Variants in ZNF385D observed in about 807,000 individuals in gnomAD.
ZNF385D encodes zinc finger protein 385D, also known as zinc finger protein 659.
ZNF385D carries 15 observed loss-of-function variants against 35.8 expected under a neutral mutation model. The observed-to-expected ratio is 0.42, with a 90% CI of 0.28 to 0.64. The LOEUF (loss-of-function observed/expected upper bound fraction) is 0.64. ZNF385D is among the 30% of genes least tolerant of loss of function. The pLI is 0.23. For synonymous variants in ZNF385D, 212 were observed against 186.8 expected (o/e 1.13, Z -1.10); for missense variants, 474 against 494.6 (o/e 0.96, Z 0.39).
At chr3:22,046,886 T>C (rs1464148719) in intron 3 of ZNF385D, among the ~76,000 whole-genome samples, 1 of 152,224 alleles carries the variant, frequency 6.6e-6, no homozygotes, top group East Asian at 1.9e-4. Flanking sequence ...CAAAGGAAAA[T>C]ATGAAATCAG....
At chr3:21,899,012 TA>T (rs772495689) in intron 3 of ZNF385D, among the ~76,000 whole-genome samples, 1 of 152,108 alleles carries the variant, frequency 6.6e-6, no homozygotes, top group Non-Finnish European at 1.5e-5. Context: ...ATATTCACAT[TA>T]GGGCAAAGTT....
chr3:21,468,869 C>A (rs1703699790), intron 4 of ZNF385D, among the ~76,000 whole-genome samples: 1 of 151,970 alleles, frequency 6.6e-6, no homozygotes. Flanking sequence ...ACAGAGATTG[C>A]AGTGAACCGA....
chr3:22,215,266 A>G (rs1217448250), intron 2 of ZNF385D, among the ~76,000 whole-genome samples: 2 of 152,082 alleles, frequency 1.3e-5, no homozygotes, highest in Non-Finnish European at 2.9e-5. Context: ...GATAACAGCA[A>G]TGTTCAAGGA....
At chr3:22,033,803 A>G (rs949836792) in intron 3 of ZNF385D, among the ~76,000 whole-genome samples, 2 of 152,200 alleles carry the variant, frequency 1.3e-5, no homozygotes, top group African/African-American at 2.4e-5. Context: ...ACACTGGATT[A>G]TCTTTACTGT....
chr3:21,661,900 T>C (rs1473869117), intron 2 of ZNF385D, among the ~76,000 whole-genome samples: 1 of 152,204 alleles, frequency 6.6e-6, no homozygotes, highest in African/African-American at 2.4e-5. Flanking sequence ...TTTATGCTCT[T>C]GTGGAAGACA....
At chr3:22,084,518 G>C (rs1246383490) in intron 3 of ZNF385D, among the ~76,000 whole-genome samples, 1 of 152,170 alleles carries the variant, frequency 6.6e-6, no homozygotes, top group Non-Finnish European at 1.5e-5. Flanking sequence ...AATTCAACAA[G>C]AAGAGCTAAC....
At chr3:21,821,052 G>A (rs2125734309) in intron 3 of ZNF385D, among the ~76,000 whole-genome samples, 1 of 151,892 alleles carries the variant, frequency 6.6e-6, no homozygotes, top group African/African-American at 2.4e-5. Flanking sequence ...ATATCCAACA[G>A]GTAAAAATAT....
intron 3 of ZNF385D, among the ~76,000 whole-genome samples, chr3:22,166,753 A>G (rs1706357221): frequency 6.6e-6 from 1 of 152,210 alleles, no homozygotes; most frequent in Admixed American, 6.5e-5. Flanking sequence ...ACTAACTCTG[A>G]TTTGGGTTTC....
chr3:21,925,511 C>T (rs1178411965), intron 3 of ZNF385D, among the ~76,000 whole-genome samples: 1 of 152,126 alleles, frequency 6.6e-6, no homozygotes. Flanking sequence ...CAAAATTACA[C>T]AACTTTTATA....
chr3:22,237,839 TCACC>T (rs1576544616), intron 2 of ZNF385D, among the ~76,000 whole-genome samples: 5 of 151,326 alleles, frequency 3.3e-5, no homozygotes, highest in South Asian at 2.1e-4. Context: ...AGGTGGGGTT[TCACC>T]ACATTCGCCA....
At chr3:21,840,383 G>T (rs1695589190) in intron 3 of ZNF385D, among the ~76,000 whole-genome samples, 1 of 152,072 alleles carries the variant, frequency 6.6e-6, no homozygotes, top group Non-Finnish European at 1.5e-5. Context: ...AGAGGGCTTT[G>T]TAAGGGATAT....
At chr3:21,969,348 G>A (rs931813686) in intron 3 of ZNF385D, among the ~76,000 whole-genome samples, 2 of 152,098 alleles carry the variant, frequency 1.3e-5, no homozygotes, top group Non-Finnish European at 2.9e-5. Context: ...CTGTGCTCAT[G>A]GTAGGGAGTT....
intron 4 of ZNF385D, among the ~76,000 whole-genome samples, chr3:21,447,809 T>G (rs937918855): frequency 5.9e-5 from 9 of 152,136 alleles, no homozygotes; most frequent in African/African-American, 2.2e-4. Context: ...ACACAAATAC[T>G]CACTCTAGAA....
intron 1 of ZNF385D, among the ~76,000 whole-genome samples, chr3:21,714,884 T>C (rs995342140): frequency 2.0e-5 from 3 of 152,176 alleles, no homozygotes; most frequent in Non-Finnish European, 2.9e-5. Flanking sequence ...CACATGCATA[T>C]TAAAATGGTT....
intron 3 of ZNF385D, among the ~76,000 whole-genome samples, chr3:21,928,696 A>C (rs1700865981): frequency 6.6e-6 from 1 of 152,206 alleles, no homozygotes; most frequent in Non-Finnish European, 1.5e-5. Flanking sequence ...TAAAATAAAG[A>C]AACGTTATAA....
intron 3 of ZNF385D, among the ~76,000 whole-genome samples, chr3:21,820,980 TA>T (rs2073370338): frequency 6.6e-6 from 1 of 151,896 alleles, no homozygotes; most frequent in South Asian, 2.1e-4. Context: ...CAAAACCGAT[TA>T]AAAAAATTAA....
chr3:21,485,850 G>C (rs952320560), intron 4 of ZNF385D, among the ~76,000 whole-genome samples: 1 of 151,868 alleles, frequency 6.6e-6, no homozygotes, highest in African/African-American at 2.4e-5. Flanking sequence ...CCTAATGTCT[G>C]AGTCCAAATC....
chr3:21,576,685 T>A (rs961195664), intron 2 of ZNF385D, among the ~76,000 whole-genome samples: 13 of 152,158 alleles, frequency 8.5e-5, no homozygotes, highest in Non-Finnish European at 1.0e-4. Context: ...CTTATTCCTT[T>A]CCCTGGAACC....
rs566397490 is a variant in ZNF385D at position 21,929,867 on chromosome 3, A to G, written c.325+238950T>C. ...GAAGGCTTAATTTATTAAGATGGCA[A>G]TACTATCCCAAATTGATCTATAGAT... On this transcript the variant is annotated intron_variant, in intron 3 of 5. Transcript: ENST00000494108. 2.0e-5 allele frequency among the ~76,000 whole-genome samples: 3 copies of G among 152,192 alleles called. No homozygotes were observed. The South Asian group carries it at 6.2e-4, about 32-fold the overall frequency.
Sources: allele counts gnomAD v4.1 joint callset (sites outside exome capture counted in the v4.1 genomes callset), GRCh38; gene constraint gnomAD v4.1.1; transcripts MANE v1.5; gene names NCBI Gene and HGNC (gene_info 2026-07-23, HGNC 2026-07-21).